The following GALNTL6 variants were observed in gnomAD, a reference collection of about 807,000 sequenced individuals.
GALNTL6 encodes polypeptide N-acetylgalactosaminyltransferase-like 6.
A neutral mutation model predicts 73.7 loss-of-function variants in GALNTL6; 46 were observed. The ratio of observed to expected loss-of-function variants is 0.62; its 90% CI spans 0.49 to 0.80. The LOEUF is 0.80. GALNTL6 is among the 30% of genes least tolerant of loss of function. GALNTL6 has a pLI of 0.00. For synonymous variants in GALNTL6, 259 were observed against 263.7 expected, an observed-to-expected ratio of 0.98 and a Z score of 0.17; for missense variants, 604 against 755.0, an observed-to-expected ratio of 0.80 and a Z score of 2.34.
At chr4:172,671,802 G>A (rs1429072817) in intron 5 of GALNTL6, among the ~76,000 whole-genome samples, 2 of 152,028 alleles carry the variant, frequency 1.3e-5, no homozygotes, top group Non-Finnish European at 1.5e-5. Flanking sequence ...TGCCATATAT[G>A]GCTCTTATTG....
intron 11 of GALNTL6, among the ~76,000 whole-genome samples, chr4:173,020,009 G>A (rs1752932423): frequency 6.6e-6 from 1 of 152,190 alleles, no homozygotes; most frequent in Admixed American, 6.5e-5. Flanking sequence ...GGGTTTCCCT[G>A]ACAGCTCTTT....
At chr4:172,587,103 A>AT (rs1737441236) in intron 5 of GALNTL6, among the ~76,000 whole-genome samples, 1 of 151,208 alleles carries the variant, frequency 6.6e-6, no homozygotes, top group African/African-American at 2.4e-5. Context: ...GTGTGTGCAC[A>AT]TGTGAAAATA....
chr4:172,995,027 A>C (rs1466468123), intron 10 of GALNTL6, among the ~76,000 whole-genome samples: 1 of 152,170 alleles, frequency 6.6e-6, no homozygotes, highest in African/African-American at 2.4e-5. Context: ...AAGTACTAAA[A>C]ATTTGCTTTA....
intron 5 of GALNTL6, among the ~76,000 whole-genome samples, chr4:172,448,558 A>G (rs1247200307): frequency 6.6e-6 from 1 of 152,198 alleles, no homozygotes; most frequent in Non-Finnish European, 1.5e-5. Flanking sequence ...TCAGAACAAG[A>G]AAAAAGTTCT....
intron 5 of GALNTL6, among the ~76,000 whole-genome samples, chr4:172,734,009 A>G: frequency 1.3e-5 from 2 of 152,202 alleles, no homozygotes; most frequent in Non-Finnish European, 2.9e-5. Context: ...AGCTTTGACC[A>G]AAATGTTGAT....
At chr4:171,981,999 T>G (rs562234583) in intron 2 of GALNTL6, among the ~76,000 whole-genome samples, 1 of 152,086 alleles carries the variant, frequency 6.6e-6, no homozygotes, top group Non-Finnish European at 1.5e-5. Flanking sequence ...TTTGAATAGA[T>G]GATAATTTGG....
intron 7 of GALNTL6, among the ~76,000 whole-genome samples, chr4:172,847,056 C>A (rs2111098814): frequency 6.6e-6 from 1 of 152,278 alleles, no homozygotes; most frequent in South Asian, 2.1e-4. Context: ...ATATATGTCA[C>A]AATCACCTTT....
chr4:172,443,115 C>CATATACATATATATATATATATATAT, intron 5 of GALNTL6, among the ~76,000 whole-genome samples: 1 of 72,678 alleles, frequency 1.4e-5, no homozygotes, highest in African/African-American at 4.9e-5. Flanking sequence ...AGTAATGATC[C>CATATACATATATATATATATATATAT]ATATACATAT....
chr4:172,576,136 A>C (rs1736947404), intron 5 of GALNTL6, among the ~76,000 whole-genome samples: 2 of 152,166 alleles, frequency 1.3e-5, no homozygotes, highest in African/African-American at 2.4e-5. Flanking sequence ...TAGGTCCCTA[A>C]ATTTTTAACT....
At chr4:172,501,556 CTCTT>C (rs751600111) in intron 5 of GALNTL6, among the ~76,000 whole-genome samples, 3 of 152,102 alleles carry the variant, frequency 2.0e-5, no homozygotes, top group East Asian at 3.9e-4. Flanking sequence ...GAGAAATACT[CTCTT>C]TCACAAAACA....
intron 11 of GALNTL6, among the ~76,000 whole-genome samples, 160 bp from the exon 12 acceptor site, chr4:173,021,316 C>T (rs1254358363): frequency 2.0e-5 from 3 of 152,176 alleles, no homozygotes; most frequent in Non-Finnish European, 2.9e-5. Flanking sequence ...CTTTATGACA[C>T]GTGCCTTTTC....
chr4:172,235,980 A>G (rs1737227474), intron 3 of GALNTL6, among the ~76,000 whole-genome samples: 1 of 152,218 alleles, frequency 6.6e-6, no homozygotes, highest in Admixed American at 6.5e-5. Context: ...AGCAAAGGAC[A>G]TTATTTCATT....
At chr4:172,947,320 G>A (rs938242675) in intron 9 of GALNTL6, among the ~76,000 whole-genome samples, 1 of 152,052 alleles carries the variant, frequency 6.6e-6, no homozygotes, top group East Asian at 1.9e-4. Context: ...GAGGAGAGAG[G>A]GATCACAAAC....
At chr4:172,592,670 G>GTCTATCTATCTATCTATCTATCTA (rs5864141) in intron 5 of GALNTL6, among the ~76,000 whole-genome samples, 5 of 141,976 alleles carry the variant, frequency 3.5e-5, no homozygotes, top group Admixed American at 7.1e-5. Context: ...CTGTCTGTCT[G>GTCTATCTATCTATCTATCTATCTA]TCTATCTATC....
chr4:172,909,201 T>C (rs1579640236), intron 8 of GALNTL6, among the ~76,000 whole-genome samples: 1 of 151,136 alleles, frequency 6.6e-6, no homozygotes, highest in Admixed American at 6.6e-5. Context: ...ACAAAAAGTA[T>C]GAAGATCCTA....
chr4:172,478,696 T>C (rs1044142281), intron 5 of GALNTL6, among the ~76,000 whole-genome samples: 9 of 152,002 alleles, frequency 5.9e-5, no homozygotes, highest in Non-Finnish European at 1.3e-4. Context: ...GCAAAATAAA[T>C]AATCAACAGA....
chr4:171,886,513 A>G (rs1391910291), intron 2 of GALNTL6, among the ~76,000 whole-genome samples: 1 of 152,210 alleles, frequency 6.6e-6, no homozygotes, highest in Non-Finnish European at 1.5e-5. Flanking sequence ...ATGTTAATAC[A>G]TAAGTGTATT....
chr4:172,721,592 GC>G (rs1342711747), intron 5 of GALNTL6, among the ~76,000 whole-genome samples: 1 of 152,264 alleles, frequency 6.6e-6, no homozygotes, highest in Non-Finnish European at 1.5e-5. Flanking sequence ...GTTGGTTACA[GC>G]TATGCCATAA....
intron 5 of GALNTL6, among the ~76,000 whole-genome samples, chr4:172,353,760 A>T (rs1437107211): frequency 6.6e-6 from 1 of 152,024 alleles, no homozygotes; most frequent in Non-Finnish European, 1.5e-5. Flanking sequence ...ATACATACAT[A>T]TGTATGTGGA....
Sources: gnomAD v4.1 joint callset for allele counts (sites outside exome capture counted in the v4.1 genomes callset) on GRCh38, gnomAD v4.1.1 for gene constraint, MANE v1.5 for transcripts, NCBI Gene and HGNC (gene_info 2026-07-23, HGNC 2026-07-21) for gene names.